ATP10D: variants seen among roughly 807,000 people sequenced by gnomAD.
ATP10D encodes phospholipid-transporting ATPase VD.
In ATP10D, 89 loss-of-function variants were observed where a neutral mutation model predicts 144.8. The ratio of observed to expected loss-of-function variants is 0.61; its 90% CI spans 0.52 to 0.73. The LOEUF is 0.73. Ranked by LOEUF, ATP10D falls within the 30% of genes least tolerant of loss-of-function variation. The pLI, the probability that ATP10D is intolerant of heterozygous loss-of-function variation, is 0.00. For synonymous variants in ATP10D, 571 were observed against 615.1 expected, an observed-to-expected ratio of 0.93 and a Z score of 1.06; for missense variants, 1,603 against 1,714.8, an observed-to-expected ratio of 0.93 and a Z score of 1.15.
At chr4:47,552,746 A>G (rs538331465) in intron 10 of ATP10D, among the ~76,000 whole-genome samples, 89 of 152,324 alleles carry the variant, frequency 5.8e-4, no homozygotes, top group Non-Finnish European at 1.2e-3. Flanking sequence ...TGAACCAATT[A>G]TTAGTCAAAT....
chr4:47,516,011 C>G (rs974285521), intron 3 of ATP10D, among the ~76,000 whole-genome samples: 3 of 152,168 alleles, frequency 2.0e-5, no homozygotes, highest in Non-Finnish European at 4.4e-5. Context: ...GGGTGGATCG[C>G]CTGAGGTCAG....
chr4:47,563,818 C>T, intron 15 of ATP10D, 53 bp downstream of exon 15: 2 of 1,416,504 alleles, frequency 1.4e-6, no homozygotes, highest in Non-Finnish European at 1.9e-6. Flanking sequence ...GGCATTGGAA[C>T]ATTTGAGATT....
intron 10 of ATP10D, among the ~76,000 whole-genome samples, chr4:47,548,521 T>C (rs1484862354): frequency 2.0e-5 from 3 of 152,192 alleles, no homozygotes; most frequent in African/African-American, 7.2e-5. Context: ...TTTATCCATC[T>C]TGAATCAACA....
rs1721105878 is a variant in ATP10D, at chr4:47,592,815, C to G, written c.*1434C>G. The G allele has an allele frequency of 2.6e-5, 4 of 152,512 alleles. No homozygotes were observed. In the South Asian group the frequency reaches 8.3e-4, roughly 32 times the overall value. The allele number at this position is 152,512 out of a possible 1,614,324, so 9.4% of individuals were successfully genotyped here. Reference sequence around the variant, plus strand: ...CGAGAACTTTCAAAATCTCACATAGCTAATGGAAGTTGCTTTCTGCTTTCT... The same window carrying G: ...CGAGAACTTTCAAAATCTCACATAGGTAATGGAAGTTGCTTTCTGCTTTCT... On this transcript the variant is annotated 3_prime_UTR_variant, in exon 23 of 23. Coordinates refer to ENST00000273859, the MANE Select transcript of ATP10D (RefSeq NM_020453.4).
At chr4:47,586,247 CTTAA>C (rs1250080020) in intron 21 of ATP10D, among the ~76,000 whole-genome samples, 3 of 152,136 alleles carry the variant, frequency 2.0e-5, no homozygotes, top group Non-Finnish European at 4.4e-5. Flanking sequence ...GATAAAGTTA[CTTAA>C]TTAGTGAACC....
chr4:47,553,181 G>T (rs1475629207), intron 10 of ATP10D, among the ~76,000 whole-genome samples: 1 of 152,130 alleles, frequency 6.6e-6, no homozygotes, highest in East Asian at 1.9e-4. Flanking sequence ...TTCTTCTATT[G>T]ACTTTGGCAA....
rs1332265720 is a variant in ATP10D at position 47,546,777 on chromosome 4, T to C, written c.1550T>C (p.Leu517Pro). The C allele has an allele frequency of 1.2e-6, 2 of 1,614,000 alleles. No individual in the cohort carries two copies. The highest frequency in any genetic ancestry group is 2.2e-5 in the South Asian group (2 of 91,070). ...GPLGNKPSNH[L>P]AGSSFTLGSG... ...TTGGGAAATAAGCCCTCAAATCATC[T>C]TGCTGGGAGCTCTTTTACTCTAGGA... is the stretch of plus-strand genomic sequence containing the variant. Residue 517 changes from leucine (L) to proline (P), a missense_variant, in exon 10 of 23, where the codon CTT becomes CCT. Physicochemically the swap from Leu to Pro is moderately conservative, Grantham distance 98. Coordinates refer to ENST00000273859, the MANE Select transcript of ATP10D (RefSeq NM_020453.4).
At chr4:47,550,964 A>G (rs1389207658) in intron 10 of ATP10D, among the ~76,000 whole-genome samples, 1 of 152,248 alleles carries the variant, frequency 6.6e-6, no homozygotes, top group African/African-American at 2.4e-5. Flanking sequence ...TCCCATACAA[A>G]GGGAGGGAAC....
In ATP10D at chr4:47,573,013, G is replaced by T. The variant is rs1415588225; in HGVS notation, c.3366+16G>T. 5 of 1,613,658 alleles carry T rather than the reference G, an allele frequency of 3.1e-6. No individual in the cohort carries two copies. Among genetic ancestry groups the T allele is most frequent in the Admixed American group, 1.7e-5 (1 of 60,020 alleles). On this transcript the variant is annotated intron_variant, in intron 18 of 22. Transcript: ENST00000273859. ...TAAGAATGTGGTATGTAACCCCAGA[G>T]AATTTGTCCCTTTTCCCTTCGTACC...
chr4:47,532,410 A>G (rs992642137), intron 5 of ATP10D, among the ~76,000 whole-genome samples: 2 of 152,186 alleles, frequency 1.3e-5, no homozygotes, highest in East Asian at 1.9e-4. Flanking sequence ...TTTTCTGACT[A>G]TCATGACCTG....
chr4:47,585,342 C>T (rs77830080), intron 21 of ATP10D, among the ~76,000 whole-genome samples: 7 of 94,782 alleles, frequency 7.4e-5, no homozygotes, highest in African/African-American at 1.2e-4. Context: ...GAATTTAAAT[C>T]TTTTTTTATT....
intron 22 of ATP10D, among the ~76,000 whole-genome samples, chr4:47,589,379 T>C (rs1449103191): frequency 6.6e-5 from 10 of 152,180 alleles, no homozygotes; most frequent in Non-Finnish European, 1.2e-4. Flanking sequence ...GTTTCTGCTA[T>C]AACAAATGCC....
chr4:47,504,623 C>G (rs545947811), intron 1 of ATP10D, among the ~76,000 whole-genome samples: 1 of 151,870 alleles, frequency 6.6e-6, no homozygotes, highest in African/African-American at 2.4e-5. Context: ...AGTGCAGTGG[C>G]GTGATCTCGG....
At chr4:47,543,668 A>G (rs1302552009) in intron 9 of ATP10D, among the ~76,000 whole-genome samples, 2 of 152,126 alleles carry the variant, frequency 1.3e-5, no homozygotes, top group African/African-American at 4.8e-5. Flanking sequence ...GAGGCAGAAG[A>G]CCTAAATCGA....
chr4:47,545,206 A>C (rs1718353490), intron 9 of ATP10D, among the ~76,000 whole-genome samples: 1 of 152,208 alleles, frequency 6.6e-6, no homozygotes, highest in Non-Finnish European at 1.5e-5. Flanking sequence ...TTACTTTTCA[A>C]AGTAAAGAAA....
chr4:47,536,638 C>T (rs1434024174), intron 8 of ATP10D, 48 bp from the exon 9 acceptor site: 3 of 1,597,188 alleles, frequency 1.9e-6, no homozygotes, highest in Non-Finnish European at 2.6e-6. Context: ...GTTTCACATC[C>T]TTTTTTAACC....
chr4:47,523,332 AG>A (rs1396768023), intron 4 of ATP10D, 116 bp downstream of exon 4: 1 of 847,084 alleles, frequency 1.2e-6, no homozygotes, highest in Non-Finnish European at 1.9e-6. Flanking sequence ...AGGATGAAAT[AG>A]AATCCCAGAA....
rs78931068 is a variant in ATP10D at position 47,573,837 on chromosome 4, G to A, written c.3366+840G>A. On this transcript the variant is annotated intron_variant, in intron 18 of 22. Transcript: ENST00000273859. ...AAGCCATTTTTAGGAGATCCCAAATGTGTAATTTAGAACTCTGTGTGCACA... is the reference window on the plus strand; with the variant it reads ...AAGCCATTTTTAGGAGATCCCAAATATGTAATTTAGAACTCTGTGTGCACA... Among the ~76,000 whole-genome samples, 1,009 of 152,192 alleles carry A rather than the reference G, an allele frequency of 6.6e-3. 5 individuals carry two copies. The highest frequency in any genetic ancestry group is 0.011 in the Non-Finnish European group (716 of 68,012).
At chr4:47,574,892 C>T (rs1026188407) in intron 18 of ATP10D, among the ~76,000 whole-genome samples, 2 of 152,086 alleles carry the variant, frequency 1.3e-5, no homozygotes, top group Non-Finnish European at 2.9e-5. Flanking sequence ...CCTCTGCCTC[C>T]CGAGGTCAAG....
Sources: allele counts gnomAD v4.1 joint callset (sites outside exome capture counted in the v4.1 genomes callset), GRCh38; gene constraint gnomAD v4.1.1; transcripts MANE v1.5; gene names NCBI Gene and HGNC (gene_info 2026-07-23, HGNC 2026-07-21).